The following KIF17 variants were observed in gnomAD, a reference collection of about 807,000 sequenced individuals.
The protein encoded by KIF17 is kinesin-like protein KIF17.
In KIF17, 80 loss-of-function variants were observed where a neutral mutation model predicts 96.8. That is an observed-to-expected ratio of 0.83 (90% CI 0.69 to 1.00). KIF17 has a LOEUF of 1.00. KIF17 is among the 50% of genes least tolerant of loss of function. The pLI is 0.00. For synonymous variants in KIF17, 567 were observed against 587.5 expected (o/e 0.97, Z 0.51); for missense variants, 1,280 against 1,372.9 (o/e 0.93, Z 1.07).
At chr1:20,706,900 G>A (rs1377646079) in intron 4 of KIF17, among the ~76,000 whole-genome samples, 1 of 136,848 alleles carries the variant, frequency 7.3e-6, no homozygotes. Context: ...AAAAAAAAAA[G>A]AAAGAAAAGT....
intron 7 of KIF17, among the ~76,000 whole-genome samples, chr1:20,688,536 C>T (rs891839537): frequency 3.3e-5 from 5 of 152,328 alleles, no homozygotes; most frequent in Admixed American, 2.0e-4. Context: ...CCTCCACAGC[C>T]ACTGAGTGCT....
intron 11 of KIF17, among the ~76,000 whole-genome samples, chr1:20,679,969 G>T (rs761520941): frequency 8.0e-6 from 1 of 125,222 alleles, no homozygotes; most frequent in African/African-American, 2.7e-5. Flanking sequence ...ACAGCAATAG[G>T]AAACAAATCA....
rs1289534136 is a variant in KIF17, at chr1:20,709,072, G to A, written c.670+567C>T. ...TCCACCTCATGGGAGTGCTGTAGGAGTAAGTGAGATAATGCACACACATTG... is the reference window on the plus strand; with the variant it reads ...TCCACCTCATGGGAGTGCTGTAGGAATAAGTGAGATAATGCACACACATTG... On this transcript the variant is annotated intron_variant, in intron 4 of 14. Coordinates refer to ENST00000400463, the MANE Select transcript of KIF17 (RefSeq NM_001122819.3). This position sits in a 1 kb window ranked among gnomAD's most constrained non-coding sequence, Gnocchi z 4.7. Among the ~76,000 whole-genome samples, 1 of 152,194 alleles carries A rather than the reference G, an allele frequency of 6.6e-6. No individual in the cohort carries two copies. The highest frequency in any genetic ancestry group is 2.4e-5 in the African/African-American group (1 of 41,452).
At position 20,687,535 on chromosome 1, in the gene KIF17, C is replaced by A. The variant is rs374828050; in HGVS notation, c.1791G>T (p.Pro597=). ...GGGGCACCTCCTGCGGCTCCTCTTG[C>A]GGGAGGTAGTTCTGTTCCCCCAGCA... is the stretch of plus-strand genomic sequence containing the variant. ...GHLLGEQNYL[P]QEEPQEVPLQ... The change falls in exon 8 of 15, where the codon CCG becomes CCT. Residue 597 remains proline, a synonymous_variant. Coordinates refer to ENST00000400463, the MANE Select transcript of KIF17 (RefSeq NM_001122819.3). This position sits in a 1 kb window ranked among gnomAD's most constrained non-coding sequence, Gnocchi z 4.4. 15 of 1,613,216 alleles carry A rather than the reference C, an allele frequency of 9.3e-6. No individual in the cohort carries two copies. Among genetic ancestry groups the A allele is most frequent in the Admixed American group, 1.7e-5 (1 of 59,972 alleles).
intron 5 of KIF17, among the ~76,000 whole-genome samples, chr1:20,703,287 G>A (rs2054275159): frequency 1.3e-5 from 2 of 152,186 alleles, no homozygotes; most frequent in Admixed American, 1.3e-4. Flanking sequence ...ATAGATGGAT[G>A]CATGGACAAA....
chr1:20,667,396 A>G (rs2053548517), intron 13 of KIF17, among the ~76,000 whole-genome samples: 1 of 151,938 alleles, frequency 6.6e-6, no homozygotes, highest in Non-Finnish European at 1.5e-5. Flanking sequence ...AAACATGCTC[A>G]CGGCTCCCAC....
At chr1:20,698,273 G>A in intron 6 of KIF17, 106 bp downstream of exon 6, 1 of 779,444 alleles carries the variant, frequency 1.3e-6, no homozygotes, top group Non-Finnish European at 2.2e-6. Flanking sequence ...CAAACCCACG[G>A]TGAAGGTACG....
At chr1:20,663,531 C>T (rs2053473062), downstream of KIF17, among the ~76,000 whole-genome samples, 1 of 152,222 alleles carries the variant, frequency 6.6e-6, no homozygotes, top group African/African-American at 2.4e-5. Context: ...ACAGATGAGG[C>T]TCAGAGTGAA....
intron 13 of KIF17, among the ~76,000 whole-genome samples, chr1:20,669,537 AAAT>A (rs71585778): frequency 1.6e-3 from 199 of 121,122 alleles, no homozygotes; most frequent in African/African-American, 5.5e-3. Context: ...CTCTGTCTCG[AAAT>A]AATAATAATA....
Position 20,715,601 on chromosome 1 carries a change from G to A in KIF17, c.270C>T (p.Tyr90=), listed in dbSNP as rs12046928. 251,648 of 1,613,748 alleles carry A rather than the reference G, an allele frequency of 0.16. 28,635 individuals carry two copies. The highest frequency in any genetic ancestry group is 0.66 in the East Asian group (29,755 of 44,860). ...AGGACTTCCCGCTGCCTGTCTGGCC[G>A]TAGGCAAAGATGGTGCCATTGTAGC... is the stretch of plus-strand genomic sequence containing the variant. ...TEGYNGTIFA[Y]GQTGSGKSFT... is the part of the protein sequence containing the mutation. Residue 90 remains tyrosine, a synonymous_variant, in exon 2 of 15, where the codon TAC becomes TAT. Coordinates refer to ENST00000400463, the MANE Select transcript of KIF17 (RefSeq NM_001122819.3).
At position 20,712,611 on chromosome 1, in the gene KIF17, T is replaced by G. The variant is rs2054466281; in HGVS notation, c.480+843A>C. On this transcript the variant is annotated intron_variant, in intron 3 of 14. Transcript: ENST00000400463. The stretch of plus-strand genomic sequence containing the variant: ...ATATATATCTATATATATCTATATA[T>G]ATATAATATAGATAATATCTATATA... 8.9e-5 allele frequency among the ~76,000 whole-genome samples: 2 copies of G among 22,508 alleles called. 1 individual carries two copies. Among genetic ancestry groups the G allele is most frequent in the Non-Finnish European group, 2.5e-4 (2 of 7,862 alleles). The allele number at this position is 22,508 out of a possible 152,430, so 14.8% of individuals were successfully genotyped here.
chr1:20,672,213 ACAAG>A lies in KIF17; in HGVS notation c.2464-21_2464-18del. ...TGCCCGAAGCTGAAAGCAAAGGATG[ACAAG>A]CAGTGAGCAGGGAAAGATACCTCCC... On this transcript the variant is annotated intron_variant, in intron 11 of 14. Transcript: ENST00000400463. This position sits in a 1 kb window ranked among gnomAD's most constrained non-coding sequence, Gnocchi z 4.3. The A allele has an allele frequency of 6.2e-7, 1 of 1,613,750 alleles. No homozygotes were observed. Among genetic ancestry groups the A allele is most frequent in the Non-Finnish European group, 8.5e-7 (1 of 1,179,956 alleles).
Position 20,684,972 on chromosome 1 carries a change from C to G in KIF17, c.2068G>C (p.Glu690Gln). 1.2e-6 allele frequency: 2 copies of G among 1,605,920 alleles called. No individual in the cohort carries two copies. Among genetic ancestry groups the G allele is most frequent in the East Asian group, 4.5e-5 (2 of 44,478 alleles). Residue 690 changes from glutamate to glutamine, a missense_variant, in exon 10 of 15, where the codon GAG (glutamate) becomes CAG (glutamine). Glu to Gln is a conservative substitution (Grantham distance 29). Transcript: ENST00000400463. ...TGAGCCTCCAACCACACGCCAGGCT[C>G]TGCTGTCCGCACCACCTCTAAGGCC... ...EVALEVVRTA[E>Q]PGVWLEAQAP...
At chr1:20,667,542 C>T (rs1480681495) in intron 13 of KIF17, among the ~76,000 whole-genome samples, 1 of 152,240 alleles carries the variant, frequency 6.6e-6, no homozygotes, top group Non-Finnish European at 1.5e-5. Flanking sequence ...CCGTCCTGAC[C>T]TGTGGAAAAA....
intron 6 of KIF17, among the ~76,000 whole-genome samples, chr1:20,695,530 C>T (rs146608115): frequency 2.0e-4 from 30 of 152,260 alleles, no homozygotes; most frequent in South Asian, 4.1e-4. Flanking sequence ...CTCAGGCAGG[C>T]GGGTTTCGAC....
Position 20,717,510 on chromosome 1 carries a change from T to G in KIF17, c.197A>C (p.Gln66Pro). 2 of 1,611,892 alleles carry G rather than the reference T, an allele frequency of 1.2e-6. No individual in the cohort carries two copies. Among genetic ancestry groups the G allele is most frequent in the Non-Finnish European group, 8.5e-7 (1 of 1,179,632 alleles). ...CGGATAGGCGATCTCGTTGTAGATC[T>G]GCTCGGTGACGTGGTCCACGTGGTA... The part of the protein sequence containing the change: ...GAYHVDHVTE[Q>P]IYNEIAYPLV... The change falls in exon 1 of 15, where the codon CAG becomes CCG. Residue 66 changes from glutamine to proline, a missense_variant. Transcript: ENST00000400463.
Position 20,685,940 on chromosome 1 carries a change from C to G in KIF17, c.2019+106G>C. The G allele has an allele frequency of 1.0e-6, 1 of 974,912 alleles. No homozygotes were observed. Among genetic ancestry groups the G allele is most frequent in the Non-Finnish European group, 1.6e-6 (1 of 622,938 alleles). 60.4% of individuals were successfully genotyped at this position (974,912 alleles called of 1,614,324 possible). ...AAGGCTGGAGTTGTTGTTCTCAGCT[C>G]ATGGATGAGGAAACTGAAGCTCAGG... is the stretch of plus-strand genomic sequence containing the variant. On this transcript the variant is annotated intron_variant, in intron 9 of 14. Coordinates refer to ENST00000400463, the MANE Select transcript of KIF17 (RefSeq NM_001122819.3). This position sits in a 1 kb window ranked among gnomAD's most constrained non-coding sequence, Gnocchi z 4.1.
chr1:20,690,470 C>T, intron 6 of KIF17, 135 bp from the exon 7 acceptor site: 1 of 762,466 alleles, frequency 1.3e-6, no homozygotes, highest in South Asian at 1.9e-5. Context: ...TGGTACAACA[C>T]TGTGATAATT....
At chr1:20,695,093 CACACAT>C (rs1198025362) in intron 6 of KIF17, among the ~76,000 whole-genome samples, 2 of 151,936 alleles carry the variant, frequency 1.3e-5, no homozygotes, top group Admixed American at 6.6e-5. Flanking sequence ...CACCCTCAGG[CACACAT>C]GCACATGCAC....
Sources: gnomAD v4.1 joint callset for allele counts (sites outside exome capture counted in the v4.1 genomes callset) on GRCh38, gnomAD v4.1.1 for gene constraint, Gnocchi (gnomAD v3.1) non-coding constraint, MANE v1.5 for transcripts, NCBI Gene and HGNC (gene_info 2026-07-23, HGNC 2026-07-21) for gene names.